The following PITPNM3 variants were observed in gnomAD, a reference collection of about 807,000 sequenced individuals.
The protein encoded by PITPNM3 is membrane-associated phosphatidylinositol transfer protein 3.
In PITPNM3, 26 loss-of-function variants were observed where a neutral mutation model predicts 102.0. The ratio of observed to expected loss-of-function variants is 0.25; its 90% CI spans 0.19 to 0.35. The LOEUF is 0.35. PITPNM3 is among the 10% of genes least tolerant of loss of function. PITPNM3 has a pLI of 1.00. For missense variants in PITPNM3, 1,083 were observed against 1,346.1 expected (o/e 0.80, Z 3.06); for synonymous variants, 578 against 558.6 (o/e 1.03, Z -0.49).
At chr17:6,521,653 C>CA (rs1232373626) in intron 3 of PITPNM3, among the ~76,000 whole-genome samples, 1 of 150,466 alleles carries the variant, frequency 6.6e-6, no homozygotes, top group Non-Finnish European at 1.5e-5. Flanking sequence ...AATATGTTGC[C>CA]AAAAAAGATA....
chr17:6,540,881 A>T (rs969798028), intron 1 of PITPNM3, among the ~76,000 whole-genome samples: 1 of 151,890 alleles, frequency 6.6e-6, no homozygotes, highest in Admixed American at 6.6e-5. Flanking sequence ...CTAGTCTCGA[A>T]CTCCTGACCT....
chr17:6,476,472 A>T (rs1441474619), intron 9 of PITPNM3, among the ~76,000 whole-genome samples: 1 of 152,240 alleles, frequency 6.6e-6, no homozygotes, highest in Non-Finnish European at 1.5e-5. Flanking sequence ...TTAAAGGGCA[A>T]ACAGTTCTGT....
At chr17:6,516,420 C>T (rs555979070) in intron 3 of PITPNM3, among the ~76,000 whole-genome samples, 51 of 150,890 alleles carry the variant, frequency 3.4e-4, no homozygotes, top group Non-Finnish European at 6.8e-4. Context: ...AAAAATTAGC[C>T]AGGCGTGGTG....
chr17:6,545,019 C>T (rs867162854), intron 1 of PITPNM3, among the ~76,000 whole-genome samples: 2 of 152,116 alleles, frequency 1.3e-5, no homozygotes, highest in Non-Finnish European at 2.9e-5. Context: ...ACTGTCAAGC[C>T]CCGCCTCCTC....
At chr17:6,538,543 A>C (rs974087471) in intron 1 of PITPNM3, among the ~76,000 whole-genome samples, 1 of 152,214 alleles carries the variant, frequency 6.6e-6, no homozygotes, top group African/African-American at 2.4e-5. Flanking sequence ...GGAGACATCA[A>C]GTTCTGGCCA....
At chr17:6,497,690 A>G in intron 4 of PITPNM3, among the ~76,000 whole-genome samples, 1 of 152,172 alleles carries the variant, frequency 6.6e-6, no homozygotes, top group East Asian at 1.9e-4. Flanking sequence ...CCTGCAGCTG[A>G]TGCCAGGCGC....
At chr17:6,541,662 A>C (rs1909740642) in intron 1 of PITPNM3, among the ~76,000 whole-genome samples, 1 of 152,126 alleles carries the variant, frequency 6.6e-6, no homozygotes. Flanking sequence ...GGGGACCACA[A>C]GTCAGATGTG....
At chr17:6,526,286 C>A (rs1428769560) in intron 2 of PITPNM3, among the ~76,000 whole-genome samples, 1 of 152,206 alleles carries the variant, frequency 6.6e-6, no homozygotes, top group African/African-American at 2.4e-5. Flanking sequence ...ATACACACAT[C>A]TGGTACCATC....
intron 1 of PITPNM3, among the ~76,000 whole-genome samples, chr17:6,539,610 A>C (rs1909631198): frequency 1.3e-5 from 2 of 152,236 alleles, no homozygotes; most frequent in East Asian, 3.8e-4. Flanking sequence ...TAGCGCACAC[A>C]AAATACTTAG....
chr17:6,460,177 T>C (rs1904375259), intron 18 of PITPNM3, among the ~76,000 whole-genome samples: 1 of 152,202 alleles, frequency 6.6e-6, no homozygotes, highest in South Asian at 2.1e-4. Context: ...CCACTTGTCC[T>C]GGGTTTAACC....
intron 3 of PITPNM3, among the ~76,000 whole-genome samples, chr17:6,522,584 G>A (rs983901963): frequency 6.6e-5 from 10 of 152,282 alleles, no homozygotes; most frequent in South Asian, 4.1e-4. Context: ...AGTTGTCATC[G>A]AGGTGGCTGG....
Position 6,478,074 on chromosome 17 carries a change from C to T in PITPNM3, c.801G>A (p.Val267=). The change falls in exon 8 of 20, where the codon GTG becomes GTA. Residue 267 remains valine (V), a synonymous_variant. Coordinates refer to ENST00000262483, the MANE Select transcript of PITPNM3 (RefSeq NM_031220.4). The surrounding 1 kb of genome is among the most constrained non-coding windows in gnomAD (Gnocchi z 4.4). ...TGGCATCGAAGGCCAGGAGGCCCCC[C>T]ACACAGTCCCCGATGAGACACACCT... The part of the protein sequence containing the change: ...SGQVCLIGDC[V]GGLLAFDAIC... 3 of 1,613,672 alleles carry T rather than the reference C, an allele frequency of 1.9e-6. No individual in the cohort carries two copies. The highest frequency in any genetic ancestry group is 2.2e-5 in the East Asian group (1 of 44,882).
At chr17:6,474,773 C>A (rs913469330) in intron 9 of PITPNM3, among the ~76,000 whole-genome samples, 169 bp from the exon 10 acceptor site, 1 of 152,236 alleles carries the variant, frequency 6.6e-6, no homozygotes, top group South Asian at 2.1e-4. Flanking sequence ...TCAGCACTGG[C>A]CACCAAGGCC....
rs1222467926 is a variant in PITPNM3, at chr17:6,451,877, C to G, written c.*3461G>C. The stretch of plus-strand genomic sequence containing the variant: ...TCCAGGGCACTTGGCACCCAAACCC[C>G]CCCCCCCCGCCCGCCGATGGGATTC... On this transcript the variant is annotated 3_prime_UTR_variant, in exon 20 of 20. Coordinates refer to ENST00000262483, the MANE Select transcript of PITPNM3 (RefSeq NM_031220.4). 6 of 28,494 alleles carry G rather than the reference C, an allele frequency of 2.1e-4. No homozygotes were observed. Among genetic ancestry groups the G allele is most frequent in the Non-Finnish European group, 3.8e-4 (5 of 13,040 alleles). The allele number at this position is 28,494 out of a possible 1,614,324, so 1.8% of individuals were successfully genotyped here.
At chr17:6,489,496 A>AACCGGCCCAGGTC (rs1309521599) in intron 4 of PITPNM3, among the ~76,000 whole-genome samples, 3 of 31,634 alleles carry the variant, frequency 9.5e-5, no homozygotes, top group African/African-American at 3.0e-4. Flanking sequence ...TTTTTGCCTA[A>AACCGGCCCAGGTC]ACCGGCCCAG....
intron 1 of PITPNM3, among the ~76,000 whole-genome samples, chr17:6,540,969 T>A (rs1341026036): frequency 6.6e-6 from 1 of 152,152 alleles, no homozygotes. Context: ...CCGCCTTGGT[T>A]TTTAAATGTA....
intron 4 of PITPNM3, among the ~76,000 whole-genome samples, chr17:6,490,171 G>C (rs972716655): frequency 6.6e-6 from 1 of 152,002 alleles, no homozygotes; most frequent in South Asian, 2.1e-4. Context: ...GTAGCACCTG[G>C]GGGACTCAAT....
At chr17:6,549,587 C>A (rs754956682) in intron 1 of PITPNM3, among the ~76,000 whole-genome samples, 11 of 152,298 alleles carry the variant, frequency 7.2e-5, no homozygotes, top group Admixed American at 2.0e-4. Context: ...CACAGGCACA[C>A]GTGGGACCCT....
Position 6,468,159 on chromosome 17 carries a change from C to T in PITPNM3, c.1890+66G>A. 3 of 1,511,352 alleles carry T rather than the reference C, an allele frequency of 2.0e-6. No homozygotes were observed. Among genetic ancestry groups the T allele is most frequent in the Non-Finnish European group, 2.8e-6 (3 of 1,090,776 alleles). 93.6% of individuals were successfully genotyped at this position (1,511,352 alleles called of 1,614,324 possible). Reference sequence around the variant, plus strand: ...TTACCTCCCATGTGGATGCCCCAGCCCCCGGGCCAGCCCCACCTCCCGGAG... The same window carrying T: ...TTACCTCCCATGTGGATGCCCCAGCTCCCGGGCCAGCCCCACCTCCCGGAG... On this transcript the variant is annotated intron_variant, in intron 14 of 19. Coordinates refer to ENST00000262483, the MANE Select transcript of PITPNM3 (RefSeq NM_031220.4). This position sits in a 1 kb window ranked among gnomAD's most constrained non-coding sequence, Gnocchi z 5.2.
Sources: allele counts gnomAD v4.1 joint callset (sites outside exome capture counted in the v4.1 genomes callset), GRCh38; gene constraint gnomAD v4.1.1; non-coding constraint Gnocchi (gnomAD v3.1); transcripts MANE v1.5; gene names NCBI Gene and HGNC (gene_info 2026-07-23, HGNC 2026-07-21).